ZFP64: variants seen among roughly 807,000 people sequenced by gnomAD.
ZFP64 encodes the protein ZFP64 zinc finger protein.
Under a neutral mutation model 51.6 loss-of-function variants are expected in ZFP64, and 14 were observed. The observed-to-expected ratio is 0.27, with a 90% CI of 0.18 to 0.42. ZFP64 has a LOEUF of 0.42. Ranked by LOEUF, ZFP64 falls within the 10% of genes least tolerant of loss-of-function variation. The pLI is 1.00. For missense variants in ZFP64, 754 were observed against 906.8 expected, an observed-to-expected ratio of 0.83 and a Z score of 2.16; for synonymous variants, 375 against 361.4, an observed-to-expected ratio of 1.04 and a Z score of -0.43.
At chr20:52,108,811 C>T (rs1411803509) in intron 5 of ZFP64, among the ~76,000 whole-genome samples, 1 of 150,254 alleles carries the variant, frequency 6.7e-6, no homozygotes, top group East Asian at 2.0e-4. Context: ...GCCCGGCCAT[C>T]ATGTTTGGTT....
intron 2 of ZFP64, among the ~76,000 whole-genome samples, chr20:52,178,322 C>A (rs925527101): frequency 3.9e-5 from 6 of 152,136 alleles, no homozygotes; most frequent in African/African-American, 1.4e-4. Context: ...CCCGGTTCTG[C>A]CACTTTCTGT....
intron 2 of ZFP64, among the ~76,000 whole-genome samples, chr20:52,180,314 C>T (rs1415050457): frequency 1.3e-5 from 2 of 152,188 alleles, no homozygotes; most frequent in Non-Finnish European, 2.9e-5. Context: ...CATTGGAATT[C>T]ACTTCTCTAA....
chr20:52,103,562 G>A (rs944452996), intron 5 of ZFP64, among the ~76,000 whole-genome samples: 4 of 152,222 alleles, frequency 2.6e-5, no homozygotes, highest in African/African-American at 9.6e-5. Context: ...GGCTCCAGAA[G>A]GCGCCTCGCA....
At chr20:52,111,175 G>C in intron 5 of ZFP64, 3 of 630,586 alleles carry the variant, frequency 4.8e-6, no homozygotes, top group Non-Finnish European at 8.5e-6. Context: ...CCGTAGTGGA[G>C]AACGCCCCAA....
At chr20:52,097,155 G>A in intron 7 of ZFP64, 1 of 784,354 alleles carries the variant, frequency 1.3e-6, no homozygotes, top group Admixed American at 1.7e-5. Flanking sequence ...ATTGCTCTAA[G>A]ATGACTATAG....
At chr20:52,086,359 C>A (rs1462552565) in intron 8 of ZFP64, among the ~76,000 whole-genome samples, 2 of 152,058 alleles carry the variant, frequency 1.3e-5, no homozygotes, top group African/African-American at 4.8e-5. Context: ...TCTTTTCTTA[C>A]GTGTTGCTCA....
At chr20:52,187,141 A>G (rs747911433) in intron 1 of ZFP64, 70 bp from the exon 2 acceptor site, 88 of 1,513,814 alleles carry the variant, frequency 5.8e-5, no homozygotes, top group Non-Finnish European at 1.3e-5. Flanking sequence ...GACCAGATTC[A>G]TGGTAGGAAG....
chr20:52,091,425 C>G (rs544246035), intron 7 of ZFP64, among the ~76,000 whole-genome samples: 1 of 152,026 alleles, frequency 6.6e-6, no homozygotes, highest in Non-Finnish European at 1.5e-5. Flanking sequence ...GATAGGAACA[C>G]AATAGAAATT....
At position 52,187,001 on chromosome 20, in the gene ZFP64, C is replaced by T. The variant is rs767046645; in HGVS notation, c.117G>A (p.Gln39=). 1.9e-6 allele frequency: 3 copies of T among 1,613,898 alleles called. No homozygotes were observed. Among genetic ancestry groups the T allele is most frequent in the African/African-American group, 1.3e-5 (1 of 74,938 alleles). Residue 39 remains glutamine (Q), a synonymous_variant, in exon 2 of 6, where the codon CAG becomes CAA. Coordinates refer to ENST00000216923, the MANE Select transcript of ZFP64 (RefSeq NM_018197.3). ...DIHICGICKQ[Q]FNNLDAFVAH... is the part of the protein sequence containing the mutation. ...CTACAAAGGCATCCAGGTTGTTAAA[C>T]TGCTGCTTGCAGATGCCGCAGATAT...
intron 2 of ZFP64, among the ~76,000 whole-genome samples, chr20:52,183,450 G>C (rs1983752348): frequency 6.6e-6 from 1 of 152,274 alleles, no homozygotes; most frequent in African/African-American, 2.4e-5. Flanking sequence ...TCATGAAGAA[G>C]ACCACTACGA....
intron 5 of ZFP64, among the ~76,000 whole-genome samples, chr20:52,107,591 A>G (rs1289227810): frequency 1.3e-5 from 2 of 152,238 alleles, no homozygotes; most frequent in Non-Finnish European, 2.9e-5. Flanking sequence ...CCTTAAAAAA[A>G]CAATTTTAAT....
chr20:52,150,361 A>G (rs528357196), downstream of ZFP64, among the ~76,000 whole-genome samples: 2 of 152,316 alleles, frequency 1.3e-5, no homozygotes, highest in South Asian at 2.1e-4. Flanking sequence ...AATCAGGAAA[A>G]AATCCTTTAT....
At chr20:52,158,361 G>A (rs557459854) in intron 5 of ZFP64, among the ~76,000 whole-genome samples, 1 of 152,300 alleles carries the variant, frequency 6.6e-6, no homozygotes, top group African/African-American at 2.4e-5. Flanking sequence ...GCCTGTCAGA[G>A]AGATGTGAAT....
At chr20:52,107,766 T>G (rs1978343986) in intron 5 of ZFP64, among the ~76,000 whole-genome samples, 4 of 152,244 alleles carry the variant, frequency 2.6e-5, no homozygotes, top group African/African-American at 9.6e-5. Flanking sequence ...TACTCTCCTG[T>G]TGATGGGCAA....
intron 5 of ZFP64, chr20:52,110,710 A>C: frequency 2.5e-6 from 4 of 1,581,540 alleles, no homozygotes; most frequent in Non-Finnish European, 3.4e-6. Context: ...CCAGCGCTGG[A>C]TGGCTCCAAC....
chr20:52,104,096 G>T (rs759784038), intron 5 of ZFP64, among the ~76,000 whole-genome samples: 19 of 152,194 alleles, frequency 1.2e-4, no homozygotes, highest in Non-Finnish European at 2.5e-4. Context: ...GCCCCTTAAA[G>T]GAAAGGTATC....
intron 5 of ZFP64, among the ~76,000 whole-genome samples, chr20:52,116,107 T>C (rs1978854139): frequency 6.6e-6 from 1 of 151,946 alleles, no homozygotes; most frequent in African/African-American, 2.4e-5. Context: ...GTGCTGGGAT[T>C]ATAGGCATGA....
chr20:52,126,854 G>A (rs576782219), intron 5 of ZFP64, among the ~76,000 whole-genome samples: 1 of 152,222 alleles, frequency 6.6e-6, no homozygotes, highest in East Asian at 1.9e-4. Context: ...AGGCAAACAG[G>A]TGGTGGGCAA....
chr20:52,134,731 T>C (rs1979888677), intron 5 of ZFP64, among the ~76,000 whole-genome samples: 1 of 152,210 alleles, frequency 6.6e-6, no homozygotes, highest in South Asian at 2.1e-4. Context: ...ACAGAAGGTC[T>C]AATTTTTAAA....
Sources: allele counts gnomAD v4.1 joint callset (sites outside exome capture counted in the v4.1 genomes callset), GRCh38; gene constraint gnomAD v4.1.1; transcripts MANE v1.5; gene names NCBI Gene and HGNC (gene_info 2026-07-23, HGNC 2026-07-21).